AMOTL1: variants seen among roughly 807,000 people sequenced by gnomAD.
AMOTL1 encodes angiomotin-like protein 1.
In AMOTL1, 45 loss-of-function variants were observed where a neutral mutation model predicts 102.9. That is an observed-to-expected ratio of 0.44 (90% CI 0.34 to 0.56). The LOEUF is 0.56. Among genes scored for constraint, AMOTL1 ranks in the 20% least tolerant of loss-of-function variants. The probability of loss-of-function intolerance (pLI) is 0.01; values close to 1 mark genes in which losing one functional copy is unlikely to be tolerated. For missense variants in AMOTL1, 1,114 were observed against 1,225.6 expected, an observed-to-expected ratio of 0.91 and a Z score of 1.36; for synonymous variants, 481 against 484.7, an observed-to-expected ratio of 0.99 and a Z score of 0.10.
chr11:94,845,898 C>G (rs1477707632), intron 6 of AMOTL1, among the ~76,000 whole-genome samples: 1 of 152,170 alleles, frequency 6.6e-6, no homozygotes, highest in Admixed American at 6.5e-5. Context: ...TGTCAACTTG[C>G]CTGTTCTAGG....
intron 2 of AMOTL1, among the ~76,000 whole-genome samples, chr11:94,738,384 A>C (rs1156986624): frequency 1.3e-5 from 2 of 151,744 alleles, no homozygotes; most frequent in East Asian, 3.9e-4. Flanking sequence ...CAGCCTCCTG[A>C]GTAGCTGGGA....
intron 2 of AMOTL1, among the ~76,000 whole-genome samples, chr11:94,798,455 TTTTCTGGC>T (rs1489979718): frequency 6.6e-6 from 1 of 152,150 alleles, no homozygotes; most frequent in African/African-American, 2.4e-5. Flanking sequence ...AAACCTTCAG[TTTTCTGGC>T]TTGACAGAAA....
At chr11:94,707,241 T>TG (rs1455035605) in intron 1 of AMOTL1, among the ~76,000 whole-genome samples, 2 of 74,510 alleles carry the variant, frequency 2.7e-5, no homozygotes, top group African/African-American at 6.8e-5. Flanking sequence ...TCTCTCTCTC[T>TG]CTCTCTCTCT....
chr11:94,851,449 T>C (rs895305125), intron 7 of AMOTL1, among the ~76,000 whole-genome samples: 1 of 152,258 alleles, frequency 6.6e-6, no homozygotes, highest in African/African-American at 2.4e-5. Context: ...GTTGGTTGAA[T>C]GTAGCCTCTC....
At chr11:94,829,173 G>C (rs1042685388) in intron 4 of AMOTL1, among the ~76,000 whole-genome samples, 1 of 150,742 alleles carries the variant, frequency 6.6e-6, no homozygotes, top group African/African-American at 2.4e-5. Context: ...AATATAAAGA[G>C]ATTGTCTGTG....
rs1182635894 is a variant in AMOTL1 at position 94,800,070 on chromosome 11, C to T, written c.880C>T (p.Pro294Ser). 1.2e-6 allele frequency: 2 copies of T among 1,613,890 alleles called. No homozygotes were observed. Among genetic ancestry groups the T allele is most frequent in the East Asian group, 2.2e-5 (1 of 44,880 alleles). ...NGKGFKVGGG[P>S]SPAQPAGKVL... ...AAAGGGCTTCAAAGTAGGAGGGGGG[C>T]CCTCCCCTGCCCAGCCTGCAGGTAA... Residue 294 changes from proline (P) to serine (S), a missense_variant, in exon 3 of 13, where the codon CCC (proline) becomes TCC (serine). Coordinates refer to ENST00000433060, the MANE Select transcript of AMOTL1 (RefSeq NM_130847.3).
intron 1 of AMOTL1, among the ~76,000 whole-genome samples, chr11:94,721,491 G>A (rs1950173354): frequency 6.6e-6 from 1 of 151,980 alleles, no homozygotes; most frequent in African/African-American, 2.4e-5. Flanking sequence ...GGACCTTTGG[G>A]AGGTGAATAA....
chr11:94,731,563 G>A (rs1950352756), intron 2 of AMOTL1, among the ~76,000 whole-genome samples: 1 of 152,128 alleles, frequency 6.6e-6, no homozygotes. Context: ...AGAAATGGAC[G>A]AATTATAGAA....
intron 1 of AMOTL1, among the ~76,000 whole-genome samples, chr11:94,720,755 G>A (rs765007476): frequency 5.3e-5 from 8 of 152,078 alleles, no homozygotes; most frequent in Non-Finnish European, 1.0e-4. Flanking sequence ...TTTTCCACAC[G>A]AGGTGACTAC....
chr11:94,807,088 C>T (rs1290743158), intron 3 of AMOTL1, among the ~76,000 whole-genome samples: 3 of 152,046 alleles, frequency 2.0e-5, no homozygotes, highest in South Asian at 2.1e-4. Context: ...TGATTTTCTT[C>T]GTTCGATAAA....
chr11:94,772,337 A>G (rs934718778), intron 1 of AMOTL1, among the ~76,000 whole-genome samples: 1 of 152,208 alleles, frequency 6.6e-6, no homozygotes, highest in African/African-American at 2.4e-5. Flanking sequence ...GATCTCCCTT[A>G]TGCTACACCT....
intron 1 of AMOTL1, among the ~76,000 whole-genome samples, chr11:94,768,875 T>C (rs939686243): frequency 6.6e-6 from 1 of 151,698 alleles, no homozygotes; most frequent in Non-Finnish European, 1.5e-5. Context: ...CGCAGCCATA[T>C]GGCCAGACAC....
intron 3 of AMOTL1, among the ~76,000 whole-genome samples, chr11:94,744,903 G>A (rs1300552510): frequency 6.6e-6 from 1 of 152,142 alleles, no homozygotes; most frequent in Non-Finnish European, 1.5e-5. Context: ...ATTAAAATGT[G>A]AAAAGATGAC....
upstream of AMOTL1, among the ~76,000 whole-genome samples, chr11:94,763,764 TGAG>T (rs1284796352): frequency 6.6e-6 from 1 of 152,068 alleles, no homozygotes; most frequent in Non-Finnish European, 1.5e-5. Context: ...TTGAGTAGGC[TGAG>T]GAGGAGGAAG....
intron 1 of AMOTL1, among the ~76,000 whole-genome samples, chr11:94,780,115 G>T (rs949162): frequency 0.89 from 135,608 of 152,136 alleles, 61,257 homozygotes; most frequent in Non-Finnish European, 0.99. Flanking sequence ...ATGGAACAAA[G>T]GTGCTAGGGA....
intron 9 of AMOTL1, among the ~76,000 whole-genome samples, chr11:94,862,265 AC>A (rs1243634343): frequency 6.6e-6 from 1 of 152,158 alleles, no homozygotes; most frequent in Non-Finnish European, 1.5e-5. Flanking sequence ...TTCAAAGAAA[AC>A]CTCTGTCATT....
intron 3 of AMOTL1, among the ~76,000 whole-genome samples, chr11:94,741,183 G>A (rs1355988206): frequency 6.6e-6 from 1 of 151,982 alleles, no homozygotes; most frequent in Non-Finnish European, 1.5e-5. Flanking sequence ...GGGGTGGCAG[G>A]GCAAGTGTCC....
At chr11:94,843,876 G>A (rs17609468) in intron 6 of AMOTL1, among the ~76,000 whole-genome samples, 3,202 of 152,276 alleles carry the variant, frequency 0.021, 63 homozygotes, top group South Asian at 0.044. Context: ...AGGTTAGGAA[G>A]CATTGGCCTC....
chr11:94,739,815 G>C (rs1183368447), intron 2 of AMOTL1, among the ~76,000 whole-genome samples: 1 of 152,190 alleles, frequency 6.6e-6, no homozygotes, highest in Non-Finnish European at 1.5e-5. Context: ...CAGTCCTGGG[G>C]GCTGGGGGGA....
Sources: gnomAD v4.1 joint callset for allele counts (sites outside exome capture counted in the v4.1 genomes callset) on GRCh38, gnomAD v4.1.1 for gene constraint, MANE v1.5 for transcripts, NCBI Gene and HGNC (gene_info 2026-07-23, HGNC 2026-07-21) for gene names.